CNTNAP2: variants seen among roughly 807,000 people sequenced by gnomAD.
The protein encoded by CNTNAP2 is contactin-associated protein-like 2.
In CNTNAP2, 98 loss-of-function variants were observed where a neutral mutation model predicts 155.2. The observed-to-expected ratio is 0.63, with a 90% CI of 0.54 to 0.75. The LOEUF (loss-of-function observed/expected upper bound fraction) is 0.75. Among genes scored for constraint, CNTNAP2 ranks in the 30% least tolerant of loss-of-function variants. The pLI, the probability that CNTNAP2 is intolerant of heterozygous loss-of-function variation, is 0.00. For synonymous variants in CNTNAP2, 651 were observed against 631.2 expected (o/e 1.03, Z -0.47); for missense variants, 1,727 against 1,688.1 (o/e 1.02, Z -0.40).
intron 11 of CNTNAP2, among the ~76,000 whole-genome samples, chr7:147,498,804 G>C (rs1018464195): frequency 2.0e-5 from 3 of 151,906 alleles, no homozygotes; most frequent in Admixed American, 1.3e-4. Flanking sequence ...TTTCCCATTT[G>C]TCATCACCCT....
At chr7:146,238,585 A>T (rs1799511515) in intron 1 of CNTNAP2, among the ~76,000 whole-genome samples, 1 of 152,148 alleles carries the variant, frequency 6.6e-6, no homozygotes, top group Non-Finnish European at 1.5e-5. Context: ...TTCTTTTATG[A>T]GTGAGGAAAA....
At chr7:147,910,576 A>G (rs945948300) in intron 14 of CNTNAP2, among the ~76,000 whole-genome samples, 9 of 152,186 alleles carry the variant, frequency 5.9e-5, no homozygotes, top group South Asian at 2.1e-4. Context: ...GGTAATTTAT[A>G]AAGGAAAGAA....
chr7:148,183,593 C>A (rs1795072972), intron 18 of CNTNAP2, among the ~76,000 whole-genome samples: 1 of 151,266 alleles, frequency 6.6e-6, no homozygotes, highest in African/African-American at 2.4e-5. Context: ...GTGATCCTCC[C>A]ACCTTGGCCC....
chr7:147,378,426 T>A (rs1796477980), intron 9 of CNTNAP2, among the ~76,000 whole-genome samples: 1 of 152,068 alleles, frequency 6.6e-6, no homozygotes, highest in African/African-American at 2.4e-5. Flanking sequence ...TTCAGCCATA[T>A]AAAAGAATGA....
At chr7:147,424,534 A>G (rs1797347793) in intron 10 of CNTNAP2, among the ~76,000 whole-genome samples, 1 of 151,958 alleles carries the variant, frequency 6.6e-6, no homozygotes, top group African/African-American at 2.4e-5. Context: ...CTCATTTCCA[A>G]ACAGTGGAGA....
At chr7:147,160,237 C>G (rs1248838473) in intron 8 of CNTNAP2, among the ~76,000 whole-genome samples, 4 of 151,962 alleles carry the variant, frequency 2.6e-5, no homozygotes, top group Non-Finnish European at 5.9e-5. Context: ...TATACAGAAC[C>G]ATACGTGATG....
intron 21 of CNTNAP2, among the ~76,000 whole-genome samples, chr7:148,339,257 GA>G (rs11454206): frequency 7.0e-4 from 99 of 140,762 alleles, no homozygotes; most frequent in Admixed American, 1.1e-3. Context: ...CCCAAACATC[GA>G]AAAAAAAAAA....
At chr7:146,863,355 C>A (rs1392056155) in intron 3 of CNTNAP2, among the ~76,000 whole-genome samples, 1 of 152,026 alleles carries the variant, frequency 6.6e-6, no homozygotes, top group Non-Finnish European at 1.5e-5. Context: ...AATCATGCTA[C>A]CAAGAACTTT....
rs928688620 is a variant in CNTNAP2 at position 147,154,184 on chromosome 7, A to G, written c.1348+21675A>G. On this transcript the variant is annotated intron_variant, in intron 8 of 23. Transcript: ENST00000361727. Reference sequence around the variant, plus strand: ...GCATTGATAAGATAAAACAGTTTCTATGCATTGGTAAAGGTGAAACCTGGA... The same window carrying G: ...GCATTGATAAGATAAAACAGTTTCTGTGCATTGGTAAAGGTGAAACCTGGA... Among the ~76,000 whole-genome samples, 7 of 152,274 alleles carry G rather than the reference A, an allele frequency of 4.6e-5. No individual in the cohort carries two copies. In the East Asian group the frequency reaches 1.4e-3, roughly 30 times the overall value.
chr7:146,275,372 G>A (rs528679784), intron 1 of CNTNAP2, among the ~76,000 whole-genome samples: 7 of 152,176 alleles, frequency 4.6e-5, no homozygotes, highest in Admixed American at 3.3e-4. Flanking sequence ...TTCTGACTCC[G>A]AATAAGTTTT....
chr7:147,923,379 C>G (rs897833243), intron 14 of CNTNAP2, among the ~76,000 whole-genome samples: 7 of 152,076 alleles, frequency 4.6e-5, no homozygotes, highest in Admixed American at 4.6e-4. Flanking sequence ...AGGAGAACAC[C>G]ACGTTGGGAG....
At chr7:146,552,178 A>T (rs1298963672) in intron 1 of CNTNAP2, among the ~76,000 whole-genome samples, 1 of 152,130 alleles carries the variant, frequency 6.6e-6, no homozygotes, top group Non-Finnish European at 1.5e-5. Flanking sequence ...TCATGCCTAA[A>T]TACTATTGTA....
At chr7:147,456,421 A>G (rs561368213) in intron 10 of CNTNAP2, among the ~76,000 whole-genome samples, 1 of 152,322 alleles carries the variant, frequency 6.6e-6, no homozygotes, top group South Asian at 2.1e-4. Flanking sequence ...TACAGAAATC[A>G]CTAGCCTACA....
At chr7:147,780,020 T>C (rs1193058191) in intron 13 of CNTNAP2, among the ~76,000 whole-genome samples, 1 of 152,226 alleles carries the variant, frequency 6.6e-6, no homozygotes, top group African/African-American at 2.4e-5. Flanking sequence ...AATCATTTTT[T>C]CACATACCTT....
At chr7:146,524,827 T>TA (rs1797664674) in intron 1 of CNTNAP2, among the ~76,000 whole-genome samples, 1 of 152,160 alleles carries the variant, frequency 6.6e-6, no homozygotes, top group Non-Finnish European at 1.5e-5. Flanking sequence ...GCTTTCTTGA[T>TA]ACAATATTAT....
chr7:146,555,642 G>A (rs1474712729), intron 1 of CNTNAP2, among the ~76,000 whole-genome samples: 3 of 152,026 alleles, frequency 2.0e-5, no homozygotes, highest in Admixed American at 2.0e-4. Flanking sequence ...AACATTTAGA[G>A]AACAATAAAA....
At chr7:147,909,876 C>A (rs1412771558) in intron 14 of CNTNAP2, among the ~76,000 whole-genome samples, 3 of 152,098 alleles carry the variant, frequency 2.0e-5, no homozygotes, top group Non-Finnish European at 2.9e-5. Context: ...AAGTGAAAAG[C>A]CGTTAGCACA....
At chr7:146,971,172 C>G (rs1335281324) in intron 3 of CNTNAP2, among the ~76,000 whole-genome samples, 1 of 151,468 alleles carries the variant, frequency 6.6e-6, no homozygotes, top group East Asian at 1.9e-4. Flanking sequence ...CTAACCTGCA[C>G]ATTGGTCACA....
At chr7:147,773,267 G>A (rs1797503459) in intron 13 of CNTNAP2, among the ~76,000 whole-genome samples, 1 of 152,054 alleles carries the variant, frequency 6.6e-6, no homozygotes, top group Admixed American at 6.6e-5. Context: ...TTTATGACAA[G>A]AGCCCATCTG....
Sources: gnomAD v4.1 joint callset for allele counts (sites outside exome capture counted in the v4.1 genomes callset) on GRCh38, gnomAD v4.1.1 for gene constraint, MANE v1.5 for transcripts, NCBI Gene and HGNC (gene_info 2026-07-23, HGNC 2026-07-21) for gene names.